The following CIC variants were observed in gnomAD, a reference collection of about 807,000 sequenced individuals.
CIC encodes the protein capicua transcriptional repressor.
Under a neutral mutation model 115.7 loss-of-function variants are expected in CIC, and 18 were observed. That is an observed-to-expected ratio of 0.16 (90% CI 0.11 to 0.23). The LOEUF (loss-of-function observed/expected upper bound fraction) is 0.23. CIC is among the 10% of genes least tolerant of loss of function. The probability of loss-of-function intolerance (pLI) is 1.00; values close to 1 mark genes in which losing one functional copy is unlikely to be tolerated. For synonymous variants in CIC, 1,076 were observed against 923.0 expected (o/e 1.17, Z -3.01); for missense variants, 2,000 against 2,159.3 (o/e 0.93, Z 1.46).
chr19:42,277,387 G>T (rs1404925014), intron 2 of CIC, among the ~76,000 whole-genome samples: 1 of 152,080 alleles, frequency 6.6e-6, no homozygotes, highest in Non-Finnish European at 1.5e-5. Context: ...GTGCCACCAC[G>T]CCCGGCTAAT....
rs2037717770 is a variant in CIC, at chr19:42,287,190, C to T, written c.3129C>T (p.Pro1043=). The T allele has an allele frequency of 1.2e-6, 2 of 1,613,606 alleles. No individual in the cohort carries two copies. Among genetic ancestry groups the T allele is most frequent in the East Asian group, 2.2e-5 (1 of 44,864 alleles). Residue 1043 remains proline (P), a synonymous_variant, in exon 4 of 21, where the codon CCC becomes CCT. Coordinates refer to ENST00000681038, the MANE Select transcript of CIC (RefSeq NM_001386298.1). The surrounding 1 kb of genome is among the most constrained non-coding windows in gnomAD (Gnocchi z 8.7). The part of the protein sequence containing the change: ...PPTTEEEASG[P]PGEPRLDSET... ...CCACGGAGGAGGAGGCCTCCGGCCC[C>T]CCAGGAGAGCCCCGGCTGGACAGTG... is the stretch of plus-strand genomic sequence containing the variant.
At position 42,269,320 on chromosome 19, in the gene CIC, G is replaced by GGGACC. The variant is rs1244050666; in HGVS notation, c.-60_-56dup. On this transcript the variant is annotated 5_prime_UTR_variant, in exon 1 of 21. Coordinates refer to ENST00000681038, the MANE Select transcript of CIC (RefSeq NM_001386298.1). ...GGGAGAGCCGGAGGGGGGGCGGGGA[G>GGGACC]GGACCGGACCGGACCGAGCCGGGGC... 19 of 149,826 alleles carry GGGACC rather than the reference G, an allele frequency of 1.3e-4. No homozygotes were observed. Among genetic ancestry groups the GGGACC allele is most frequent in the Non-Finnish European group, 6.0e-5 (4 of 67,214 alleles). 9.3% of individuals were successfully genotyped at this position (149,826 alleles called of 1,614,324 possible). A position where few individuals can be genotyped will look rare whatever the true frequency, so the allele number is the denominator to read the frequency against.
In CIC at chr19:42,295,143, G is replaced by GGGGGGCCCCCC; in HGVS notation, c.7506_7507insGGGGGCCCCCC (p.Pro2503GlyfsTer30). 1.4e-5 allele frequency: 19 copies of GGGGGGCCCCCC among 1,382,680 alleles called. No individual in the cohort carries two copies. The highest frequency in any genetic ancestry group is 1.8e-5 in the Non-Finnish European group (19 of 1,037,774). 85.7% of individuals were successfully genotyped at this position (1,382,680 alleles called of 1,614,324 possible). On this transcript the variant is annotated frameshift_variant, in exon 21 of 21. Transcript: ENST00000681038. LOFTEE classifies it high-confidence loss of function. ...AGCCTGGCTGGGAGGGGGCTCCCCAGCCCTCCCCCCCACCCCCAGGTCCCT... is the reference window on the plus strand; with the variant it reads ...AGCCTGGCTGGGAGGGGGCTCCCCAGGGGGGCCCCCCCCCTCCCCCCCACCCCCAGGTCCCT...
At chr19:42,276,572 C>CG (rs775762862) in intron 2 of CIC, among the ~76,000 whole-genome samples, 10 of 152,122 alleles carry the variant, frequency 6.6e-5, no homozygotes, top group Non-Finnish European at 1.5e-4. Context: ...CACAGGGACA[C>CG]GGGTTATGCC....
upstream of CIC, among the ~76,000 whole-genome samples, chr19:42,268,853 C>T (rs2146977042): frequency 1.3e-5 from 2 of 152,348 alleles, no homozygotes; most frequent in Admixed American, 1.3e-4. Context: ...CAACCCGTCC[C>T]TTAGCCCCTC....
rs926383081 is a variant in CIC, at chr19:42,273,902, G to A, written c.2119G>A (p.Val707Met). Reference sequence around the variant, plus strand: ...CTTCCAGACCAACCTGACCTTCACCGTGCCCATCAGCCCTGGGCGACGGAA... The same window carrying A: ...CTTCCAGACCAACCTGACCTTCACCATGCCCATCAGCCCTGGGCGACGGAA... ...PTFQTNLTFTVPISPGRRKTE... is the reference protein window; with the variant it reads ...PTFQTNLTFTMPISPGRRKTE... Residue 707 changes from valine (V) to methionine (M), a missense_variant, in exon 2 of 21, where the codon GTG (valine) becomes ATG (methionine). Physicochemically the swap from Val to Met is conservative, Grantham distance 21 (BLOSUM62 1). Coordinates refer to ENST00000681038, the MANE Select transcript of CIC (RefSeq NM_001386298.1). 5.0e-6 allele frequency: 2 copies of A among 398,100 alleles called. No individual in the cohort carries two copies. Among genetic ancestry groups the A allele is most frequent in the African/African-American group, 2.1e-5 (1 of 48,444 alleles). 24.7% of individuals were successfully genotyped at this position (398,100 alleles called of 1,614,324 possible).
rs777362985 is a variant in CIC at position 42,290,271 on chromosome 19, C to T, written c.4230C>T (p.Ser1410=). Residue 1410 remains serine (S), a synonymous_variant, in exon 11 of 21, where the codon TCC becomes TCT. Transcript: ENST00000681038. ...GRKVFSPVIR[S]SFTHCRPPLD... is the part of the protein sequence containing the mutation. ...AGGTGTTTTCACCTGTGATCCGTTCCTCCTTTACCCACTGCCGCCCCCCAC... is the reference window on the plus strand; with the variant it reads ...AGGTGTTTTCACCTGTGATCCGTTCTTCCTTTACCCACTGCCGCCCCCCAC... The T allele has an allele frequency of 1.4e-5, 23 of 1,613,964 alleles. No individual in the cohort carries two copies. The highest frequency in any genetic ancestry group is 6.7e-5 in the Admixed American group (4 of 59,992).
At position 42,286,839 on chromosome 19, in the gene CIC, C is replaced by G; in HGVS notation, c.2863C>G (p.Pro955Ala). Residue 955 changes from proline (P) to alanine (A), a missense_variant, in exon 3 of 21, where the codon CCC (proline) becomes GCC (alanine). Physicochemically the swap from Pro to Ala is conservative, Grantham distance 27. This residue lies in a region of CIC where 222 missense variants were observed against 247.7 expected (regional missense o/e 0.90). Transcript: ENST00000681038. ...PWHSLVPFLA[P>A]SQPDPSVQPS... ...GCACTCCTTAGTCCCCTTCCTGGCA[C>G]CCAGCCAGCCTGACCCCTCCGTGCA... 1 of 1,613,950 alleles carries G rather than the reference C, an allele frequency of 6.2e-7. No individual in the cohort carries two copies.
Position 42,289,354 on chromosome 19 carries a change from T to G in CIC, c.4035T>G (p.Ser1345Arg), listed in dbSNP as rs2147235056. 1 of 1,613,014 alleles carries G rather than the reference T, an allele frequency of 6.2e-7. No individual in the cohort carries two copies. Among genetic ancestry groups the G allele is most frequent in the Non-Finnish European group, 8.5e-7 (1 of 1,179,548 alleles). The change falls in exon 9 of 21, where the codon AGT (serine) becomes AGG (arginine). Residue 1345 changes from serine to arginine, a missense_variant. By Grantham distance (110) the Ser-to-Arg change is moderately radical. This residue lies in a region of CIC where 1,466 missense variants were observed against 1,390.4 expected (regional missense o/e 1.05). Coordinates refer to ENST00000681038, the MANE Select transcript of CIC (RefSeq NM_001386298.1). Reference sequence around the variant, plus strand: ...GTGCGGCCAGTGAGGACATGACGAGTGATGAGGAGCGCATGGTCATCTGTG... The same window carrying G: ...GTGCGGCCAGTGAGGACATGACGAGGGATGAGGAGCGCATGGTCATCTGTG... ...SQRAASEDMT[S>R]DEERMVICEE...
In CIC at chr19:42,287,204, G is replaced by C. The variant is rs760049446; in HGVS notation, c.3143G>C (p.Arg1048Pro). 1 of 1,613,626 alleles carries C rather than the reference G, an allele frequency of 6.2e-7. No individual in the cohort carries two copies. Among genetic ancestry groups the C allele is most frequent in the Admixed American group, 1.7e-5 (1 of 59,992 alleles). Reference protein sequence around the residue: ...EEASGPPGEPRLDSETESDHD... With the variant: ...EEASGPPGEPPLDSETESDHD... ...GCCTCCGGCCCCCCAGGAGAGCCCC[G>C]GCTGGACAGTGAGACAGAGAGTGAC... is the stretch of plus-strand genomic sequence containing the variant. Residue 1048 changes from arginine to proline, a missense_variant, in exon 4 of 21, where the codon CGG becomes CCG. Physicochemically the swap from Arg to Pro is moderately radical, Grantham distance 103. Transcript: ENST00000681038. This position sits in a 1 kb window ranked among gnomAD's most constrained non-coding sequence, Gnocchi z 8.7.
intron 2 of CIC, among the ~76,000 whole-genome samples, chr19:42,285,360 G>A (rs892472373): frequency 2.0e-5 from 3 of 152,198 alleles, no homozygotes; most frequent in Admixed American, 6.5e-5. Context: ...TGCAAAGAGA[G>A]GCACAGGTCT....
Position 42,289,196 on chromosome 19 carries a change from G to A in CIC, c.3877G>A (p.Ala1293Thr), listed in dbSNP as rs1280402406. The A allele has an allele frequency of 1.2e-6, 2 of 1,613,198 alleles. No individual in the cohort carries two copies. Among genetic ancestry groups the A allele is most frequent in the Non-Finnish European group, 1.7e-6 (2 of 1,180,034 alleles). The change falls in exon 9 of 21, where the codon GCA becomes ACA. Residue 1293 changes from alanine (A) to threonine (T), a missense_variant. Physicochemically the swap from Ala to Thr is moderately conservative, Grantham distance 58. Transcript: ENST00000681038. ...QELTQMVSGP[A>T]SYSGPKPSTQ... ...TATCCTGCAGATGGTGTCTGGCCCT[G>A]CATCGTACTCTGGCCCAAAGCCTTC...
intron 11 of CIC, 30 bp from the exon 12 acceptor site, chr19:42,291,528 C>T (rs745696055): frequency 1.1e-5 from 17 of 1,613,010 alleles, no homozygotes; most frequent in Admixed American, 1.7e-5. Flanking sequence ...TCCCTTGTAA[C>T]CTTTTCCTTT....
In CIC at chr19:42,292,100, C is replaced by T. The variant is rs763808359; in HGVS notation, c.5628C>T (p.Thr1876=). The part of the protein sequence containing the change: ...AQPPSKIIQL[T]PVPVSTPSGL... ...CTTCTCCACAGATCATCCAGCTGAC[C>T]CCGGTGCCTGTGAGCACACCCAGCG... The change falls in exon 13 of 21, where the codon ACC becomes ACT. Residue 1876 remains threonine (T), a synonymous_variant. Transcript: ENST00000681038. The T allele has an allele frequency of 2.5e-6, 4 of 1,613,894 alleles. No individual in the cohort carries two copies. In the South Asian group the frequency reaches 4.4e-5, roughly 18 times the overall value.
chr19:42,274,864 T>C (rs2147031955), intron 2 of CIC, among the ~76,000 whole-genome samples: 1 of 152,300 alleles, frequency 6.6e-6, no homozygotes, highest in Non-Finnish European at 1.5e-5. Context: ...TCCATGGAGC[T>C]GATGGGATAA....
In CIC at chr19:42,293,846, G is replaced by A. The variant is rs200380341; in HGVS notation, c.6767+10G>A. Reference sequence around the variant, plus strand: ...TTGACTCTGTGGACAAGTGAGCATGGGCTGGGGCCTTGGTGGAGCGTGTTA... The same window carrying A: ...TTGACTCTGTGGACAAGTGAGCATGAGCTGGGGCCTTGGTGGAGCGTGTTA... On this transcript the variant is annotated intron_variant, in intron 17 of 20. Coordinates refer to ENST00000681038, the MANE Select transcript of CIC (RefSeq NM_001386298.1). 18 of 1,613,042 alleles carry A rather than the reference G, an allele frequency of 1.1e-5. No individual in the cohort carries two copies. Among genetic ancestry groups the A allele is most frequent in the Non-Finnish European group, 9.3e-6 (11 of 1,179,806 alleles).
intron 1 of CIC, among the ~76,000 whole-genome samples, chr19:42,269,679 G>C (rs76660472): frequency 0.075 from 11,336 of 150,704 alleles, 524 homozygotes; most frequent in South Asian, 0.17. Flanking sequence ...GATGGGGAGA[G>C]AAGGTGACAG....
Position 42,291,016 on chromosome 19 carries a change from C to T in CIC, c.4975C>T (p.Leu1659=), listed in dbSNP as rs1186509115. Residue 1659 remains leucine (L), a synonymous_variant, in exon 11 of 21, where the codon CTG becomes TTG. Transcript: ENST00000681038. The part of the protein sequence containing the change: ...PAPHLVAGPL[L]GTVGKAPATV... ...CCCACACTTGGTGGCTGGACCCCTG[C>T]TGGGCACTGTGGGGAAGGCGCCTGC... 1 of 1,613,758 alleles carries T rather than the reference C, an allele frequency of 6.2e-7. No individual in the cohort carries two copies. The highest frequency in any genetic ancestry group is 8.5e-7 in the Non-Finnish European group (1 of 1,179,996).
Position 42,295,039 on chromosome 19 carries a change from C to T in CIC, c.7402C>T (p.Pro2468Ser). 6.4e-7 allele frequency: 1 copy of T among 1,558,304 alleles called. No individual in the cohort carries two copies. The highest frequency in any genetic ancestry group is 8.6e-7 in the Non-Finnish European group (1 of 1,159,010). ...PTPSPAGGPDPTSPSSDSGTA... is the reference protein window; with the variant it reads ...PTPSPAGGPDSTSPSSDSGTA... ...TCCCAGCCCCGCAGGGGGCCCTGAC[C>T]CCACCTCACCCAGCTCGGACTCTGG... The change falls in exon 21 of 21, where the codon CCC (proline) becomes TCC (serine). Residue 2468 changes from proline (P) to serine (S), a missense_variant. Pro to Ser is a moderately conservative substitution (Grantham distance 74). This residue lies in a region of CIC where 133 missense variants were observed against 116.0 expected (regional missense o/e 1.15). Transcript: ENST00000681038.
Sources: gnomAD v4.1 joint callset for allele counts (sites outside exome capture counted in the v4.1 genomes callset) on GRCh38, gnomAD v4.1.1 for gene constraint, gnomAD v4.1.1 regional missense constraint, Gnocchi (gnomAD v3.1) non-coding constraint, MANE v1.5 for transcripts, NCBI Gene and HGNC (gene_info 2026-07-23, HGNC 2026-07-21) for gene names.